Variants in DISC1 observed in about 807,000 individuals in gnomAD.
DISC1 encodes the protein DISC1 scaffold protein.
In DISC1, 57 loss-of-function variants were observed where a neutral mutation model predicts 84.5. The ratio of observed to expected loss-of-function variants is 0.67; its 90% CI spans 0.55 to 0.84. DISC1 has a LOEUF of 0.84. DISC1 is among the 40% of genes least tolerant of loss of function. DISC1 has a pLI of 0.00. For missense variants in DISC1, 1,000 were observed against 1,057.8 expected (o/e 0.95, Z 0.76); for synonymous variants, 411 against 415.2 (o/e 0.99, Z 0.12).
intron 4 of DISC1, among the ~76,000 whole-genome samples, chr1:231,764,915 G>T (rs547593119): frequency 6.6e-6 from 1 of 152,038 alleles, no homozygotes; most frequent in South Asian, 2.1e-4. Context: ...TTGGAGGCTG[G>T]GCTTGGTGGC....
chr1:231,756,059 AGC>A (rs1390646590), intron 4 of DISC1, among the ~76,000 whole-genome samples: 1 of 152,216 alleles, frequency 6.6e-6, no homozygotes, highest in Non-Finnish European at 1.5e-5. Flanking sequence ...GCCCCTGCCC[AGC>A]TGCCCAGCAT....
chr1:232,020,362 A>G (rs973832356), intron 11 of DISC1, among the ~76,000 whole-genome samples: 1 of 152,146 alleles, frequency 6.6e-6, no homozygotes, highest in Non-Finnish European at 1.5e-5. Context: ...AAATAAATAA[A>G]AAATAAAAGG....
At chr1:232,026,379 T>A in intron 11 of DISC1, 56 bp from the exon 12 acceptor site, 1 of 1,236,116 alleles carries the variant, frequency 8.1e-7, no homozygotes, top group Non-Finnish European at 1.2e-6. Context: ...CTTCCCTTTG[T>A]GTTCTGTCTG....
chr1:231,735,815 T>G (rs141104884), intron 3 of DISC1, among the ~76,000 whole-genome samples: 2 of 152,320 alleles, frequency 1.3e-5, no homozygotes, highest in East Asian at 1.9e-4. Flanking sequence ...TTCATTTATT[T>G]TAGTTTGATT....
chr1:231,958,098 A>G (rs1206281895), intron 9 of DISC1, among the ~76,000 whole-genome samples: 1 of 152,250 alleles, frequency 6.6e-6, no homozygotes, highest in Non-Finnish European at 1.5e-5. Flanking sequence ...GTGTTCTTCC[A>G]GGCACTTGGT....
intron 10 of DISC1, among the ~76,000 whole-genome samples, chr1:231,965,580 C>T (rs937448636): frequency 6.6e-6 from 1 of 152,230 alleles, no homozygotes; most frequent in South Asian, 2.1e-4. Flanking sequence ...AGGCTCCTTT[C>T]GCATCCAGCA....
intron 4 of DISC1, among the ~76,000 whole-genome samples, chr1:231,765,294 G>A (rs563018990): frequency 5.3e-5 from 8 of 150,874 alleles, no homozygotes; most frequent in African/African-American, 1.7e-4. Context: ...TGCCCAGGTT[G>A]GTCTCAAATT....
chr1:231,906,192 TTG>T (rs1378678649), intron 9 of DISC1, among the ~76,000 whole-genome samples: 1 of 152,028 alleles, frequency 6.6e-6, no homozygotes, highest in Non-Finnish European at 1.5e-5. Flanking sequence ...CGGGCTAATT[TTG>T]TATTTTTAGT....
At chr1:231,980,253 G>A (rs528260834) in intron 10 of DISC1, among the ~76,000 whole-genome samples, 6 of 152,236 alleles carry the variant, frequency 3.9e-5, no homozygotes, top group South Asian at 2.1e-4. Flanking sequence ...TGCATCTGGC[G>A]CCACAACTTT....
intron 9 of DISC1, among the ~76,000 whole-genome samples, chr1:231,872,879 G>A (rs949293119): frequency 6.6e-6 from 1 of 152,116 alleles, no homozygotes; most frequent in Non-Finnish European, 1.5e-5. Flanking sequence ...CCCCAGATAA[G>A]CAATTATTTA....
chr1:231,755,925 A>G (rs1339245309), intron 4 of DISC1, among the ~76,000 whole-genome samples: 1 of 152,076 alleles, frequency 6.6e-6, no homozygotes, highest in Non-Finnish European at 1.5e-5. Flanking sequence ...TTCCATTATT[A>G]CCACCTCTCA....
chr1:231,993,720 C>T (rs1665538413), intron 10 of DISC1, among the ~76,000 whole-genome samples: 1 of 152,084 alleles, frequency 6.6e-6, no homozygotes, highest in African/African-American at 2.4e-5. Flanking sequence ...AGAAAACAAA[C>T]AGGCCAGGAT....
At chr1:231,987,918 G>A (rs929250627) in intron 10 of DISC1, among the ~76,000 whole-genome samples, 1 of 152,168 alleles carries the variant, frequency 6.6e-6, no homozygotes, top group African/African-American at 2.4e-5. Context: ...GCCTGGTATG[G>A]TGGCTTACAC....
At chr1:231,743,330 A>G (rs1004564035) in intron 3 of DISC1, among the ~76,000 whole-genome samples, 1 of 152,134 alleles carries the variant, frequency 6.6e-6, no homozygotes, top group Non-Finnish European at 1.5e-5. Flanking sequence ...TATTAACCCC[A>G]TTTTTTACAG....
intron 3 of DISC1, among the ~76,000 whole-genome samples, chr1:231,726,106 T>C (rs1192027326): frequency 6.6e-6 from 1 of 151,946 alleles, no homozygotes; most frequent in Non-Finnish European, 1.5e-5. Flanking sequence ...TAAAAAGATA[T>C]GTTTAGAGGG....
At chr1:231,734,566 C>A (rs573916509) in intron 3 of DISC1, among the ~76,000 whole-genome samples, 1 of 152,282 alleles carries the variant, frequency 6.6e-6, no homozygotes, top group South Asian at 2.1e-4. Context: ...TCATATGACA[C>A]ACTCAAGACC....
intron 5 of DISC1, among the ~76,000 whole-genome samples, chr1:231,769,413 C>T (rs535982798): frequency 1.3e-5 from 2 of 152,228 alleles, no homozygotes; most frequent in Admixed American, 6.5e-5. Flanking sequence ...TGAGTATGTA[C>T]ATGTAATGAG....
chr1:231,866,322 T>C (rs2085052247), intron 9 of DISC1, among the ~76,000 whole-genome samples: 1 of 152,148 alleles, frequency 6.6e-6, no homozygotes. Context: ...TTCACTTTGC[T>C]CCTTTGGACC....
At chr1:232,015,743 T>C (rs1394941693) in intron 11 of DISC1, among the ~76,000 whole-genome samples, 2 of 152,264 alleles carry the variant, frequency 1.3e-5, no homozygotes, top group African/African-American at 4.8e-5. Flanking sequence ...TTATCTTACC[T>C]CTACCCAAGA....
Sources: allele counts gnomAD v4.1 joint callset (sites outside exome capture counted in the v4.1 genomes callset), GRCh38; gene constraint gnomAD v4.1.1; transcripts MANE v1.5; gene names NCBI Gene and HGNC (gene_info 2026-07-23, HGNC 2026-07-21).